PREPL: variants seen among roughly 807,000 people sequenced by gnomAD.
PREPL encodes prolyl endopeptidase-like.
PREPL carries 77 observed loss-of-function variants against 70.6 expected under a neutral mutation model. That is an observed-to-expected ratio of 1.09 (90% CI 0.91 to 1.32). The LOEUF is 1.32. PREPL is among the 40% of genes most tolerant of loss of function. The pLI, the probability that PREPL is intolerant of heterozygous loss-of-function variation, is 0.00. For missense variants in PREPL, 1,002 were observed against 778.2 expected (o/e 1.29, Z -3.42); for synonymous variants, 315 against 264.8 (o/e 1.19, Z -1.84).
chr2:44,348,956 C>G (rs149096595), intron 1 of PREPL, among the ~76,000 whole-genome samples: 1 of 152,102 alleles, frequency 6.6e-6, no homozygotes, highest in Non-Finnish European at 1.5e-5. Flanking sequence ...GTATCTTAGT[C>G]CAGTTGTTTC....
Position 44,320,145 on chromosome 2 carries a change from T to C in PREPL, c.*1211A>G. On this transcript the variant is annotated 3_prime_UTR_variant, in exon 14 of 14. Transcript: ENST00000409411. ...CTCCTTACAATATATTAAAAATACT[T>C]ACAAACAATTCTTAGAATCAAACAC... The C allele has an allele frequency of 6.9e-7, 1 of 1,459,106 alleles. No individual in the cohort carries two copies. The highest frequency in any genetic ancestry group is 9.5e-7 in the Non-Finnish European group (1 of 1,057,562). 90.4% of individuals were successfully genotyped at this position (1,459,106 alleles called of 1,614,324 possible).
chr2:44,321,861 C>G lies in PREPL; in HGVS notation c.1793G>C (p.Gly598Ala). Residue 598 changes from glycine to alanine, a missense_variant, in exon 13 of 14, where the codon GGA (glycine) becomes GCA (alanine). Coordinates refer to ENST00000409411, the MANE Select transcript of PREPL (RefSeq NM_001171613.2). ...TPNIILDIQPGGNHVIEDSHK... is the reference protein window; with the variant it reads ...TPNIILDIQPAGNHVIEDSHK... ...AGAATCCTCAATTACATGATTGCCT[C>G]CAGGCTGAATATCTAGAATAATATT... 6.2e-7 allele frequency: 1 copy of G among 1,613,600 alleles called. No individual in the cohort carries two copies.
Position 44,334,943 on chromosome 2 carries a change from C to T in PREPL, c.889-2287G>A, listed in dbSNP as rs892462465. 5.3e-5 allele frequency among the ~76,000 whole-genome samples: 8 copies of T among 152,206 alleles called. No homozygotes were observed. The East Asian group carries it at 1.2e-3, about 22-fold the overall frequency. On this transcript the variant is annotated intron_variant, in intron 7 of 13. Transcript: ENST00000409411. ...AAAGAAATATTTTATAATGCACTCA[C>T]GCTATGGTTAAAGATTTTGTCTTTC...
intron 7 of PREPL, among the ~76,000 whole-genome samples, chr2:44,337,245 C>G (rs926276733): frequency 2.6e-5 from 4 of 152,194 alleles, no homozygotes; most frequent in Non-Finnish European, 5.9e-5. Context: ...AATCCTATCT[C>G]TCTTCTCTGG....
intron 12 of PREPL, 24 bp downstream of exon 12, chr2:44,322,707 C>G (rs1673096804): frequency 6.2e-7 from 1 of 1,607,898 alleles, no homozygotes; most frequent in Non-Finnish European, 8.5e-7. Context: ...TGGCCATGTT[C>G]CCTGCTTCTA....
At chr2:44,345,981 A>ATT in intron 2 of PREPL, among the ~76,000 whole-genome samples, 1 of 148,296 alleles carries the variant, frequency 6.7e-6, no homozygotes, top group African/African-American at 2.5e-5. Flanking sequence ...GTCTCTTGAA[A>ATT]TTTTTTTTTT....
chr2:44,327,294 G>T (rs2103759384), intron 9 of PREPL, among the ~76,000 whole-genome samples: 1 of 152,236 alleles, frequency 6.6e-6, no homozygotes, highest in South Asian at 2.1e-4. Context: ...ATTTTGTGGG[G>T]TAAGAAAACA....
At chr2:44,345,048 C>T (rs368318701) in intron 2 of PREPL, among the ~76,000 whole-genome samples, 2 of 152,186 alleles carry the variant, frequency 1.3e-5, no homozygotes, top group East Asian at 3.8e-4. Context: ...ATGCTGTCAC[C>T]AACAACTATA....
In PREPL at chr2:44,320,390, A is replaced by C. The variant is rs746978183; in HGVS notation, c.*966T>G. ...TGGTTCTGAATTTTGGAGAATCAAC[A>C]CTGTTAAATCTACATAATATGATTT... On this transcript the variant is annotated 3_prime_UTR_variant, in exon 14 of 14. Coordinates refer to ENST00000409411, the MANE Select transcript of PREPL (RefSeq NM_001171613.2). 9.1e-5 allele frequency: 147 copies of C among 1,613,970 alleles called. No individual in the cohort carries two copies. The highest frequency in any genetic ancestry group is 1.2e-4 in the Non-Finnish European group (142 of 1,179,938).
chr2:44,338,431 A>G lies in PREPL; in HGVS notation c.808T>C (p.Cys270Arg), dbSNP rs1466675534. 1 of 1,613,384 alleles carries G rather than the reference A, an allele frequency of 6.2e-7. No individual in the cohort carries two copies. Among genetic ancestry groups the G allele is most frequent in the African/African-American group, 1.3e-5 (1 of 74,926 alleles). Residue 270 changes from cysteine (C) to arginine (R), a missense_variant, in exon 7 of 14, where the codon TGT becomes CGT. Coordinates refer to ENST00000409411, the MANE Select transcript of PREPL (RefSeq NM_001171613.2). ...TTGCTGTGCTTCAGAAATAGAACAC[A>G]GTGATCCTTAAACATGTCCAAGTCT... ...VIDLDMFKDH[C>R]VLFLKHSNLL...
At chr2:44,336,980 T>C (rs1674704468) in intron 7 of PREPL, among the ~76,000 whole-genome samples, 4 of 152,188 alleles carry the variant, frequency 2.6e-5, no homozygotes, top group Admixed American at 2.6e-4. Flanking sequence ...TTTGGTTTAG[T>C]GTATCCTAAT....
At chr2:44,349,443 AATAATAC>A (rs1230333010) in intron 1 of PREPL, among the ~76,000 whole-genome samples, 1 of 151,048 alleles carries the variant, frequency 6.6e-6, no homozygotes, top group African/African-American at 2.4e-5. Context: ...ATAAATAATA[AATAATAC>A]ATTGAAAAAA....
chr2:44,344,865 C>T (rs918002192), intron 2 of PREPL, among the ~76,000 whole-genome samples: 2 of 152,154 alleles, frequency 1.3e-5, no homozygotes, highest in Non-Finnish European at 2.9e-5. Flanking sequence ...CACAACTGTA[C>T]AAACCACTTC....
rs753994518 is a variant in PREPL, at chr2:44,359,636, T to C, written c.-49+1744A>G. Reference sequence around the variant, plus strand: ...ATCAGCGAAGTTATAGTGATTCAAATGCTGTTTCTGCATGCATTTTCCAAG... The same window carrying C: ...ATCAGCGAAGTTATAGTGATTCAAACGCTGTTTCTGCATGCATTTTCCAAG... On this transcript the variant is annotated intron_variant, in intron 1 of 13. Coordinates refer to ENST00000409411, the MANE Select transcript of PREPL (RefSeq NM_001171613.2). 4 of 1,612,692 alleles carry C rather than the reference T, an allele frequency of 2.5e-6. No individual in the cohort carries two copies. The African/African-American group carries it at 4.0e-5, about 16-fold the overall frequency.
At chr2:44,353,396 C>A (rs930556931) in intron 1 of PREPL, among the ~76,000 whole-genome samples, 2 of 151,820 alleles carry the variant, frequency 1.3e-5, no homozygotes, top group Non-Finnish European at 2.9e-5. Context: ...ACCAGCCTGG[C>A]CAACATGGTG....
At chr2:44,350,350 C>A (rs1676282800) in intron 1 of PREPL, among the ~76,000 whole-genome samples, 1 of 151,718 alleles carries the variant, frequency 6.6e-6, no homozygotes, top group East Asian at 1.9e-4. Context: ...AATCTTAGAG[C>A]CATTTTTGAT....
At chr2:44,330,281 G>C (rs1196032493) in intron 8 of PREPL, among the ~76,000 whole-genome samples, 1 of 152,214 alleles carries the variant, frequency 6.6e-6, no homozygotes, top group African/African-American at 2.4e-5. Context: ...GGCTGGATCT[G>C]GGTTTGCCAG....
intron 10 of PREPL, among the ~76,000 whole-genome samples, chr2:44,325,267 G>T (rs1572846346): frequency 6.6e-6 from 1 of 152,206 alleles, no homozygotes; most frequent in African/African-American, 2.4e-5. Context: ...GTGATTCAAA[G>T]AAGCAGTGAT....
At chr2:44,346,510 A>C in intron 1 of PREPL, 120 bp from the exon 2 acceptor site, 1 of 863,502 alleles carries the variant, frequency 1.2e-6, no homozygotes, top group Non-Finnish European at 1.8e-6. Flanking sequence ...AATAAGATTA[A>C]ATAGTAGGTA....
Sources: allele counts gnomAD v4.1 joint callset (sites outside exome capture counted in the v4.1 genomes callset), GRCh38; gene constraint gnomAD v4.1.1; transcripts MANE v1.5; gene names NCBI Gene and HGNC (gene_info 2026-07-23, HGNC 2026-07-21).